The following ARL8B variants were observed in gnomAD, a reference collection of about 807,000 sequenced individuals.
The protein encoded by ARL8B is ARF like GTPase 8B, also known as ADP-ribosylation factor-like protein 8B.
A neutral mutation model predicts 30.6 loss-of-function variants in ARL8B; 9 were observed. The ratio of observed to expected loss-of-function variants is 0.29; its 90% confidence interval spans 0.18 to 0.51. ARL8B has a LOEUF of 0.51. Among genes scored for constraint, ARL8B ranks in the 20% least tolerant of loss-of-function variants. The probability of loss-of-function intolerance (pLI) is 0.97; values close to 1 mark genes in which losing one functional copy is unlikely to be tolerated. For missense variants in ARL8B, 130 were observed against 227.2 expected, an observed-to-expected ratio of 0.57 and a Z score of 2.75; for synonymous variants, 74 against 76.0, an observed-to-expected ratio of 0.97 and a Z score of 0.14.
chr3:5,168,443 C>G (rs955968866), intron 1 of ARL8B, among the ~76,000 whole-genome samples: 1 of 152,164 alleles, frequency 6.6e-6, no homozygotes, highest in Non-Finnish European at 1.5e-5. Flanking sequence ...GGAGTAAAAA[C>G]TCAAGGACTT....
chr3:5,122,618 G>A (rs1379309774), intron 1 of ARL8B, 30 bp downstream of exon 1: 2 of 1,579,624 alleles, frequency 1.3e-6, no homozygotes, highest in Non-Finnish European at 1.7e-6. Flanking sequence ...CTCGCCCGGG[G>A]CTCCGCAGCC....
chr3:5,161,402 A>G (rs1390903721), intron 1 of ARL8B, among the ~76,000 whole-genome samples: 2 of 152,114 alleles, frequency 1.3e-5, no homozygotes, highest in Non-Finnish European at 2.9e-5. Context: ...CCCCACTGAC[A>G]TCAGAGAGGC....
chr3:5,128,863 A>G (rs1056290764), intron 1 of ARL8B, among the ~76,000 whole-genome samples: 1 of 152,218 alleles, frequency 6.6e-6, no homozygotes, highest in African/African-American at 2.4e-5. Context: ...AATATTACTT[A>G]TAATGCTTTA....
At chr3:5,161,520 C>T (rs183642924) in intron 1 of ARL8B, among the ~76,000 whole-genome samples, 2 of 152,122 alleles carry the variant, frequency 1.3e-5, no homozygotes, top group East Asian at 1.9e-4. Context: ...GCTAGCTGTT[C>T]GGGAGCAGGA....
chr3:5,123,454 C>G (rs530810168), intron 1 of ARL8B, among the ~76,000 whole-genome samples: 1 of 152,226 alleles, frequency 6.6e-6, no homozygotes, highest in East Asian at 1.9e-4. Context: ...GTGATTGTTT[C>G]GTTTTGCTTG....
In ARL8B at chr3:5,178,945, G is replaced by C. The variant is rs2054753645; in HGVS notation, c.*232G>C. The C allele has an allele frequency of 5.4e-6, 3 of 559,850 alleles. No individual in the cohort carries two copies. The highest frequency in any genetic ancestry group is 5.5e-6 in the Non-Finnish European group (2 of 361,938). 34.7% of individuals were successfully genotyped at this position (559,850 alleles called of 1,614,324 possible). On this transcript the variant is annotated 3_prime_UTR_variant, in exon 7 of 7. Coordinates refer to ENST00000256496, the MANE Select transcript of ARL8B (RefSeq NM_018184.3). The stretch of plus-strand genomic sequence containing the variant: ...ACAAAAAGGCTTCTTACACATACCT[G>C]TCTTAAACCATGTGTAGAGCTTTAA...
At chr3:5,160,822 G>C (rs1200825239) in intron 1 of ARL8B, among the ~76,000 whole-genome samples, 1 of 152,154 alleles carries the variant, frequency 6.6e-6, no homozygotes, top group Admixed American at 6.5e-5. Flanking sequence ...GAGTTTCGTT[G>C]TTCCCATTCA....
chr3:5,126,997 C>T (rs1386851624), intron 1 of ARL8B, among the ~76,000 whole-genome samples: 1 of 152,174 alleles, frequency 6.6e-6, no homozygotes, highest in African/African-American at 2.4e-5. Context: ...AATTTGTCTA[C>T]ACTTTTGCAC....
chr3:5,164,009 T>C (rs200195889), intron 1 of ARL8B, among the ~76,000 whole-genome samples: 2 of 152,340 alleles, frequency 1.3e-5, no homozygotes, highest in East Asian at 3.9e-4. Flanking sequence ...ATGCGGGGGA[T>C]TGGTTCCAGG....
At chr3:5,143,572 G>T (rs1225758288) in intron 1 of ARL8B, among the ~76,000 whole-genome samples, 1 of 152,202 alleles carries the variant, frequency 6.6e-6, no homozygotes, top group Non-Finnish European at 1.5e-5. Flanking sequence ...TCTTTTACCA[G>T]TCCCTTGACT....
chr3:5,129,234 G>T (rs1399648578), intron 1 of ARL8B, among the ~76,000 whole-genome samples: 10 of 152,134 alleles, frequency 6.6e-5, no homozygotes, highest in South Asian at 2.1e-4. Context: ...GAGTGCAGTG[G>T]TGTGATCTTG....
At chr3:5,155,843 G>GT (rs368692409) in intron 1 of ARL8B, among the ~76,000 whole-genome samples, 1,977 of 128,450 alleles carry the variant, frequency 0.015, 42 homozygotes, top group African/African-American at 0.062. Context: ...TTTTCTCAGT[G>GT]TTTTTTTTTT....
chr3:5,138,056 C>G (rs148328379), intron 1 of ARL8B, among the ~76,000 whole-genome samples: 2 of 150,648 alleles, frequency 1.3e-5, no homozygotes, highest in East Asian at 3.9e-4. Flanking sequence ...GTGCCATAAC[C>G]CATCCTAGAT....
At chr3:5,150,466 A>G (rs145414915) in intron 1 of ARL8B, among the ~76,000 whole-genome samples, 14 of 130,846 alleles carry the variant, frequency 1.1e-4, no homozygotes, top group Non-Finnish European at 1.0e-4. Flanking sequence ...CCATGTCAAA[A>G]TAAATAAATA....
At chr3:5,165,677 C>T (rs1333804129) in intron 1 of ARL8B, among the ~76,000 whole-genome samples, 2 of 152,068 alleles carry the variant, frequency 1.3e-5, no homozygotes, top group Non-Finnish European at 2.9e-5. Context: ...GGAAAAAAAC[C>T]ATGAGACATT....
At chr3:5,156,719 A>G (rs562940477) in intron 1 of ARL8B, among the ~76,000 whole-genome samples, 1 of 152,042 alleles carries the variant, frequency 6.6e-6, no homozygotes, top group Non-Finnish European at 1.5e-5. Context: ...CCCGGCCTCA[A>G]ATGGGATTTC....
intron 1 of ARL8B, among the ~76,000 whole-genome samples, chr3:5,142,190 G>A (rs1157956704): frequency 3.3e-5 from 5 of 152,146 alleles, no homozygotes; most frequent in Non-Finnish European, 5.9e-5. Context: ...ACCACCAGAC[G>A]TTAGCCTGGG....
At chr3:5,167,506 A>G (rs1440982590) in intron 1 of ARL8B, among the ~76,000 whole-genome samples, 1 of 152,184 alleles carries the variant, frequency 6.6e-6, no homozygotes, top group African/African-American at 2.4e-5. Flanking sequence ...CTTGGAACGT[A>G]TCCCCCAAGG....
intron 6 of ARL8B, among the ~76,000 whole-genome samples, chr3:5,178,003 C>A (rs189397039): frequency 3.3e-5 from 5 of 152,306 alleles, no homozygotes; most frequent in African/African-American, 1.2e-4. Context: ...AATTTACCCT[C>A]ATCTTTCAGG....
Sources: allele counts gnomAD v4.1 joint callset (sites outside exome capture counted in the v4.1 genomes callset), GRCh38; gene constraint gnomAD v4.1.1; transcripts MANE v1.5; gene names NCBI Gene and HGNC (gene_info 2026-07-23, HGNC 2026-07-21).